TAF1: variants seen among roughly 807,000 people sequenced by gnomAD.
The protein encoded by TAF1 is TATA-box binding protein associated factor 1.
TAF1 carries 2 observed loss-of-function variants against 138.5 expected under a neutral mutation model. The ratio of observed to expected loss-of-function variants is 0.01; its 90% CI spans 0.01 to 0.05. TAF1 has a LOEUF of 0.05. TAF1 is among the 10% of genes least tolerant of loss of function. The pLI, the probability that TAF1 is intolerant of heterozygous loss-of-function variation, is 1.00. For missense variants in TAF1, 709 were observed against 1,478.0 expected (o/e 0.48, Z 8.53); for synonymous variants, 437 against 503.2 (o/e 0.87, Z 1.76).
intron 32 of TAF1, among the ~76,000 whole-genome samples, chrX:71,434,299 TTATTCTC>T (rs1461555284): frequency 1.8e-5 from 2 of 112,580 alleles, no homozygotes; most frequent in African/African-American, 3.2e-5. Flanking sequence ...CATGTGGACT[TTATTCTC>T]TACTTTAAAA....
At chrX:71,470,460 C>T (rs2038862679), downstream of TAF1, among the ~76,000 whole-genome samples, 1 of 109,221 alleles carries the variant, frequency 9.2e-6, no homozygotes, top group African/African-American at 3.3e-5. Flanking sequence ...CCAGGATGGT[C>T]TCGATCTCCT....
intron 4 of TAF1, among the ~76,000 whole-genome samples, chrX:71,375,808 C>T (rs1472329248): frequency 8.9e-6 from 1 of 112,331 alleles, no homozygotes; most frequent in Non-Finnish European, 1.9e-5. Context: ...CCTTGGTCTT[C>T]CAAAGTGCTG....
At chrX:71,406,514 T>A in intron 25 of TAF1, 124 bp from the exon 26 acceptor site, 1 of 610,688 alleles carries the variant, frequency 1.6e-6, no homozygotes, top group East Asian at 3.7e-5. Flanking sequence ...TGGCCTTTGG[T>A]TTGGCTTTTT....
chrX:71,392,048 C>G (rs1347837946), intron 18 of TAF1, among the ~76,000 whole-genome samples: 2 of 111,451 alleles, frequency 1.8e-5, no homozygotes, highest in Non-Finnish European at 3.8e-5. Flanking sequence ...ACCTTTTTGA[C>G]CAAACCAGTG....
chrX:71,487,546 C>A (rs1446584637), intron 13 of TAF1, among the ~76,000 whole-genome samples: 2 of 110,815 alleles, frequency 1.8e-5, no homozygotes, highest in South Asian at 7.5e-4. Context: ...TGGTCTGAAA[C>A]TCCTGACCTC....
intron 14 of TAF1, chrX:71,529,644 T>C: frequency 3.0e-6 from 1 of 332,260 alleles, no homozygotes; most frequent in South Asian, 2.6e-5. Context: ...CAGGCACATG[T>C]TCCTTGAAGT....
chrX:71,507,682 T>C (rs1193436147), intron 13 of TAF1, among the ~76,000 whole-genome samples: 1 of 111,421 alleles, frequency 9.0e-6, no homozygotes, highest in Non-Finnish European at 1.9e-5. Context: ...GTTGAACTAC[T>C]GGGCTTAAGT....
At chrX:71,424,676 G>A (rs1403945746) in intron 32 of TAF1, among the ~76,000 whole-genome samples, 2 of 112,137 alleles carry the variant, frequency 1.8e-5, no homozygotes, top group African/African-American at 6.5e-5. Context: ...AGGCAGGAGT[G>A]CAATGGCACG....
intron 32 of TAF1, among the ~76,000 whole-genome samples, chrX:71,427,484 G>A (rs974506162): frequency 1.8e-4 from 20 of 111,813 alleles, no homozygotes; most frequent in Admixed American, 3.8e-4. Flanking sequence ...GGCTGACTTA[G>A]GACATAGGGC....
At chrX:71,461,189 A>G (rs186192862) in intron 37 of TAF1, among the ~76,000 whole-genome samples, 8 of 110,987 alleles carry the variant, frequency 7.2e-5, no homozygotes, top group African/African-American at 2.3e-4. Context: ...AGTAGGTACT[A>G]TGGCAGGGGG....
At chrX:71,469,141 A>G (rs756641412), downstream of TAF1, among the ~76,000 whole-genome samples, 1 of 111,555 alleles carries the variant, frequency 9.0e-6, no homozygotes, top group Non-Finnish European at 1.9e-5. Context: ...TGTCTCTACT[A>G]AAATAAAAAA....
At chrX:71,453,655 A>G (rs2038154101) in intron 32 of TAF1, among the ~76,000 whole-genome samples, 1 of 110,883 alleles carries the variant, frequency 9.0e-6, no homozygotes, top group African/African-American at 3.3e-5. Flanking sequence ...TGGGTTTTGA[A>G]AAATGTATAA....
chrX:71,367,082 G>T (rs777107223), intron 1 of TAF1, among the ~76,000 whole-genome samples: 1 of 112,227 alleles, frequency 8.9e-6, no homozygotes, highest in East Asian at 2.8e-4. Flanking sequence ...TTTTCTTGAG[G>T]AGTGAAGCTG....
At chrX:71,515,140 G>A (rs1346374484) in intron 13 of TAF1, among the ~76,000 whole-genome samples, 1 of 111,838 alleles carries the variant, frequency 8.9e-6, no homozygotes, top group East Asian at 2.8e-4. Flanking sequence ...CCAGAGACCA[G>A]TTACAGGGCT....
At chrX:71,478,150 G>C (rs2039010902) in intron 13 of TAF1, among the ~76,000 whole-genome samples, 1 of 110,848 alleles carries the variant, frequency 9.0e-6, no homozygotes, top group Admixed American at 9.7e-5. Context: ...TCAGGAGTTC[G>C]AGACTAGCCC....
intron 37 of TAF1, among the ~76,000 whole-genome samples, chrX:71,463,443 G>C (rs1478357692): frequency 2.7e-5 from 3 of 110,943 alleles, no homozygotes; most frequent in African/African-American, 9.8e-5. Context: ...AGCCAAGGTA[G>C]GCAGAGTAGG....
At chrX:71,480,099 C>A (rs965927686) in intron 13 of TAF1, among the ~76,000 whole-genome samples, 1 of 111,116 alleles carries the variant, frequency 9.0e-6, no homozygotes, top group African/African-American at 3.3e-5. Flanking sequence ...GTGGTGTGCA[C>A]CTGCAGTCCT....
rs545154869 is a variant in TAF1, at chrX:71,516,140, C to T, written c.1367-12402C>T. Among the ~76,000 whole-genome samples, 51 of 109,769 alleles carry T rather than the reference C, an allele frequency of 4.6e-4. 1 individual carries two copies. The highest frequency in any genetic ancestry group is 1.7e-3 in the African/African-American group (51 of 30,228). On this transcript the variant is annotated intron_variant and NMD_transcript_variant, in intron 13 of 14. Transcript: ENST00000373775. ...GCAACGGTGCAATCTCAGCTCACTG[C>T]AGCCTCGAATTCTGAGGCTCAGGTG...
intron 21 of TAF1, 26 bp from the exon 22 acceptor site, chrX:71,394,041 C>T (rs945029819): frequency 8.5e-7 from 1 of 1,176,181 alleles, no homozygotes; most frequent in African/African-American, 1.8e-5. Flanking sequence ...TTAGTTCTTT[C>T]TGCACATTGC....
Sources: gnomAD v4.1 joint callset for allele counts (sites outside exome capture counted in the v4.1 genomes callset) on GRCh38, gnomAD v4.1.1 for gene constraint, MANE v1.5 for transcripts, NCBI Gene and HGNC (gene_info 2026-07-23, HGNC 2026-07-21) for gene names.